The following NPHP4 variants were observed in gnomAD, a reference collection of about 807,000 sequenced individuals.
The protein encoded by NPHP4 is nephrocystin-4.
NPHP4 carries 151 observed loss-of-function variants against 155.8 expected under a neutral mutation model. That is an observed-to-expected ratio of 0.97 (90% CI 0.85 to 1.11). NPHP4 has a LOEUF of 1.11. NPHP4 is among the 50% of genes least tolerant of loss of function. The probability of loss-of-function intolerance (pLI) is 0.00; values close to 1 mark genes in which losing one functional copy is unlikely to be tolerated. For missense variants in NPHP4, 1,956 were observed against 1,925.7 expected (o/e 1.02, Z -0.29); for synonymous variants, 845 against 816.8 (o/e 1.03, Z -0.59).
chr1:5,876,590 G>T (rs1363874431), intron 20 of NPHP4: 1 of 152,582 alleles, frequency 6.6e-6, no homozygotes, highest in Non-Finnish European at 1.5e-5. Context: ...AATCTCAGGA[G>T]ATCTTTCTCA....
chr1:5,877,065 G>A lies in NPHP4; in HGVS notation c.2817+28C>T, dbSNP rs59070881. ...TGACTCAGTCTGCATGGAGATCCCA[G>A]GACAGTGACAGCTGAACAAACCCTT... On this transcript the variant is annotated intron_variant, in intron 20 of 29. Transcript: ENST00000378156. 2,412 of 1,446,336 alleles carry A rather than the reference G, an allele frequency of 1.7e-3. 37 individuals carry two copies. The African/African-American group carries it at 0.03, about 18-fold the overall frequency. The allele number at this position is 1,446,336 out of a possible 1,614,324, so 89.6% of individuals were successfully genotyped here.
intron 16 of NPHP4, 43 bp from the exon 17 acceptor site, chr1:5,891,071 A>C: frequency 1.4e-6 from 2 of 1,406,246 alleles, no homozygotes; most frequent in Non-Finnish European, 1.9e-6. Context: ...AATTGGAGTC[A>C]TTCATCATCT....
chr1:5,919,555 A>G (rs543734486), intron 11 of NPHP4, among the ~76,000 whole-genome samples: 1 of 152,196 alleles, frequency 6.6e-6, no homozygotes, highest in South Asian at 2.1e-4. Flanking sequence ...CTGAATGGAG[A>G]GTGGGTAGGA....
At chr1:5,939,584 C>T (rs1371889264) in intron 9 of NPHP4, among the ~76,000 whole-genome samples, 1 of 152,216 alleles carries the variant, frequency 6.6e-6, no homozygotes, top group African/African-American at 2.4e-5. Flanking sequence ...CCTCCCTGCC[C>T]TCACTGGGTC....
At chr1:5,891,090 G>T in intron 16 of NPHP4, 62 bp from the exon 17 acceptor site, 1 of 1,265,498 alleles carries the variant, frequency 7.9e-7, no homozygotes, top group Non-Finnish European at 1.1e-6. Flanking sequence ...CTTTACACTT[G>T]GAAGAGATTT....
intron 19 of NPHP4, among the ~76,000 whole-genome samples, chr1:5,879,844 GAC>G (rs1557635039): frequency 2.2e-5 from 2 of 91,388 alleles, no homozygotes; most frequent in South Asian, 3.5e-4. Flanking sequence ...AACACACACA[GAC>G]ACGCACACAG....
At chr1:5,941,097 G>A (rs1217826047) in intron 9 of NPHP4, among the ~76,000 whole-genome samples, 2 of 152,108 alleles carry the variant, frequency 1.3e-5, no homozygotes, top group Non-Finnish European at 2.9e-5. Context: ...TACATTAACA[G>A]ACAGGGCAGC....
chr1:5,867,927 G>A lies in NPHP4; in HGVS notation c.3316-31C>T, dbSNP rs768859057. On this transcript the variant is annotated intron_variant, in intron 23 of 29. Coordinates refer to ENST00000378156, the MANE Select transcript of NPHP4 (RefSeq NM_015102.5). This position sits in a 1 kb window ranked among gnomAD's most constrained non-coding sequence, Gnocchi z 4.1. ...AGGAGGCCACGCTGAGTGTTGGGATGGGCACGAGGCTTGTGAGCAGCTTCT... is the reference window on the plus strand; with the variant it reads ...AGGAGGCCACGCTGAGTGTTGGGATAGGCACGAGGCTTGTGAGCAGCTTCT... The A allele has an allele frequency of 7.4e-6, 12 of 1,613,350 alleles. No individual in the cohort carries two copies. In the South Asian group the frequency reaches 1.2e-4, roughly 16 times the overall value.
In NPHP4 at chr1:5,879,145, C is replaced by T. The variant is rs116496355; in HGVS notation, c.2611+969G>A. 3.4e-3 allele frequency among the ~76,000 whole-genome samples: 518 copies of T among 152,316 alleles called. 4 individuals carry two copies. Among genetic ancestry groups the T allele is most frequent in the African/African-American group, 0.012 (496 of 41,584 alleles). Reference sequence around the variant, plus strand: ...TCCTGGAAGCCTTGCAGGAGGGAACCCAACGGCCCCTCCCACCTCTAACTG... The same window carrying T: ...TCCTGGAAGCCTTGCAGGAGGGAACTCAACGGCCCCTCCCACCTCTAACTG... On this transcript the variant is annotated intron_variant, in intron 19 of 29. Transcript: ENST00000378156.
intron 3 of NPHP4, among the ~76,000 whole-genome samples, chr1:5,977,732 C>A (rs1293530385): frequency 2.0e-5 from 3 of 149,550 alleles, no homozygotes; most frequent in African/African-American, 7.4e-5. Context: ...TCAACCAGTG[C>A]CCATCCACCT....
At chr1:5,990,309 A>G (rs1191605422) in intron 1 of NPHP4, among the ~76,000 whole-genome samples, 1 of 152,200 alleles carries the variant, frequency 6.6e-6, no homozygotes, top group Non-Finnish European at 1.5e-5. Flanking sequence ...GTCTTCAGCA[A>G]AAGTCTTTTA....
At position 5,969,317 on chromosome 1, in the gene NPHP4, T is replaced by C. The variant is rs143087336; in HGVS notation, c.280-58A>G. ...GTTCAGGACACACACAAAGAGGACA[T>C]GGGCGCTGTCCCCACCCCCGAGACC... On this transcript the variant is annotated intron_variant, in intron 3 of 29. Transcript: ENST00000378156. 3.4e-3 allele frequency: 4,249 copies of C among 1,244,970 alleles called. 31 individuals carry two copies. The highest frequency in any genetic ancestry group is 0.021 in the Middle Eastern group (79 of 3,834). The allele number at this position is 1,244,970 out of a possible 1,614,324, so 77.1% of individuals were successfully genotyped here. A position where few individuals can be genotyped will look rare whatever the true frequency, so the allele number is the denominator to read the frequency against.
intron 16 of NPHP4, among the ~76,000 whole-genome samples, chr1:5,897,226 C>A (rs544882089): frequency 1.3e-5 from 2 of 152,128 alleles, no homozygotes; most frequent in Non-Finnish European, 2.9e-5. Context: ...ATAACTGACG[C>A]AAGCAAAGCT....
At chr1:5,967,945 C>A (rs1054049082) in intron 4 of NPHP4, among the ~76,000 whole-genome samples, 3 of 151,990 alleles carry the variant, frequency 2.0e-5, no homozygotes, top group Non-Finnish European at 4.4e-5. Context: ...TAGGCTTTAA[C>A]CCTAGCTGAA....
chr1:5,913,136 AGT>A (rs1645274487), intron 11 of NPHP4, among the ~76,000 whole-genome samples: 1 of 138,252 alleles, frequency 7.2e-6, no homozygotes, highest in African/African-American at 2.7e-5. Flanking sequence ...GGGCAAAAAG[AGT>A]GAGACTCCAT....
intron 9 of NPHP4, among the ~76,000 whole-genome samples, chr1:5,936,886 G>C (rs1164723012): frequency 1.3e-5 from 2 of 152,196 alleles, no homozygotes; most frequent in African/African-American, 2.4e-5. Context: ...CAGTGTTGTG[G>C]GATGAGATAA....
intron 11 of NPHP4, among the ~76,000 whole-genome samples, chr1:5,923,876 G>A (rs1395838469): frequency 2.0e-5 from 3 of 152,194 alleles, no homozygotes; most frequent in Non-Finnish European, 4.4e-5. Flanking sequence ...CAAAGAGGCA[G>A]GAAAACAGAA....
At chr1:5,888,026 A>G (rs896029594) in intron 17 of NPHP4, among the ~76,000 whole-genome samples, 1 of 152,164 alleles carries the variant, frequency 6.6e-6, no homozygotes, top group Non-Finnish European at 1.5e-5. Flanking sequence ...TGGGCCAGGA[A>G]GCATGGCTGG....
chr1:5,869,348 G>A (rs868299702), intron 23 of NPHP4, among the ~76,000 whole-genome samples: 8 of 136,696 alleles, frequency 5.9e-5, no homozygotes, highest in East Asian at 2.3e-4. Context: ...ACACATGCAC[G>A]CACACACACA....
Sources: allele counts gnomAD v4.1 joint callset (sites outside exome capture counted in the v4.1 genomes callset), GRCh38; gene constraint gnomAD v4.1.1; non-coding constraint Gnocchi (gnomAD v3.1); transcripts MANE v1.5; gene names NCBI Gene and HGNC (gene_info 2026-07-23, HGNC 2026-07-21).